Variants in CDC42BPA observed in about 807,000 individuals in gnomAD.
CDC42BPA encodes CDC42 binding protein kinase alpha.
A neutral mutation model predicts 223.5 loss-of-function variants in CDC42BPA; 80 were observed. The observed-to-expected ratio is 0.36, with a 90% CI of 0.30 to 0.43. The LOEUF (loss-of-function observed/expected upper bound fraction) is 0.43, where lower values mean the gene tolerates loss of function less well. Among genes scored for constraint, CDC42BPA ranks in the 20% least tolerant of loss-of-function variants. CDC42BPA has a pLI of 1.00. For synonymous variants in CDC42BPA, 694 were observed against 718.6 expected (o/e 0.97, Z 0.55); for missense variants, 1,743 against 2,099.9 (o/e 0.83, Z 3.32).
At chr1:227,144,165 C>T (rs920357672) in intron 8 of CDC42BPA, among the ~76,000 whole-genome samples, 1 of 151,608 alleles carries the variant, frequency 6.6e-6, no homozygotes, top group African/African-American at 2.4e-5. Context: ...TATGTACCCA[C>T]AAAAATTAAA....
chr1:227,101,922 C>T (rs2149318618), intron 14 of CDC42BPA, among the ~76,000 whole-genome samples: 1 of 152,200 alleles, frequency 6.6e-6, no homozygotes, highest in East Asian at 1.9e-4. Flanking sequence ...AAGATTCTTC[C>T]AGGTACTGCC....
At position 227,185,484 on chromosome 1, in the gene CDC42BPA, A is replaced by G. The variant is rs565571160; in HGVS notation, c.599+8302T>C. ...TGCCCCGCATTTGCATATTAAAAAG[A>G]GAGGGTGGGAGGGCCAGTTTTTTCG... On this transcript the variant is annotated intron_variant, in intron 5 of 36. Coordinates refer to ENST00000366766, the MANE Select transcript of CDC42BPA (RefSeq NM_001394014.1). 1.2e-4 allele frequency among the ~76,000 whole-genome samples: 18 copies of G among 152,256 alleles called. No homozygotes were observed. In the East Asian group the frequency reaches 3.5e-3, roughly 29 times the overall value.
intron 1 of CDC42BPA, among the ~76,000 whole-genome samples, chr1:227,281,329 A>C (rs1362599794): frequency 6.6e-6 from 1 of 150,478 alleles, no homozygotes; most frequent in Non-Finnish European, 1.5e-5. Flanking sequence ...TTTTTCCCCC[A>C]CTCTCACCCC....
At chr1:227,288,409 A>G (rs1363918461) in intron 1 of CDC42BPA, among the ~76,000 whole-genome samples, 1 of 152,014 alleles carries the variant, frequency 6.6e-6, no homozygotes, top group African/African-American at 2.4e-5. Context: ...TAAAATTAAA[A>G]TGATATCGGC....
intron 9 of CDC42BPA, among the ~76,000 whole-genome samples, chr1:227,142,144 T>C (rs1195373120): frequency 6.6e-6 from 1 of 152,080 alleles, no homozygotes; most frequent in African/African-American, 2.4e-5. Flanking sequence ...ACTGTACAGG[T>C]AGAGAATAAA....
intron 6 of CDC42BPA, among the ~76,000 whole-genome samples, chr1:227,154,488 A>C (rs1369111940): frequency 6.6e-6 from 1 of 152,010 alleles, no homozygotes. Flanking sequence ...AAGAATCTAT[A>C]AACTATTTTA....
chr1:227,205,923 C>G (rs1233584617), intron 3 of CDC42BPA, among the ~76,000 whole-genome samples: 1 of 152,080 alleles, frequency 6.6e-6, no homozygotes, highest in East Asian at 1.9e-4. Flanking sequence ...GTGGCATGTG[C>G]CTGTAGTCCC....
At chr1:227,108,610 C>G (rs1686343539) in intron 14 of CDC42BPA, among the ~76,000 whole-genome samples, 1 of 152,122 alleles carries the variant, frequency 6.6e-6, no homozygotes, top group Non-Finnish European at 1.5e-5. Context: ...ATGGTTGTCT[C>G]TCAGTATCCA....
At chr1:227,217,155 C>T (rs1298444933) in intron 2 of CDC42BPA, among the ~76,000 whole-genome samples, 1 of 152,056 alleles carries the variant, frequency 6.6e-6, no homozygotes, top group Non-Finnish European at 1.5e-5. Context: ...TCTGTTCCAA[C>T]CCATTCCAAG....
At chr1:227,131,715 A>C (rs996999039) in intron 10 of CDC42BPA, among the ~76,000 whole-genome samples, 1 of 152,214 alleles carries the variant, frequency 6.6e-6, no homozygotes, top group Non-Finnish European at 1.5e-5. Context: ...ATATTGTGGA[A>C]TCATGTAAGG....
In CDC42BPA at chr1:227,044,816, C is replaced by T. The variant is rs527774923; in HGVS notation, c.3093+3111G>A. On this transcript the variant is annotated intron_variant, in intron 23 of 36. Transcript: ENST00000366766. ...AATCATTATTCACTAATAAGAAGTA[C>T]ACTATGGTTATCATCTTACTTGTAT... Among the ~76,000 whole-genome samples, 21 of 152,156 alleles carry T rather than the reference C, an allele frequency of 1.4e-4. No homozygotes were observed. The South Asian group carries it at 4.1e-3, about 30-fold the overall frequency.
chr1:226,994,875 G>A lies in CDC42BPA; in HGVS notation c.5081C>T (p.Ser1694Phe). 1 of 1,613,936 alleles carries A rather than the reference G, an allele frequency of 6.2e-7. No homozygotes were observed. Among genetic ancestry groups the A allele is most frequent in the Non-Finnish European group, 8.5e-7 (1 of 1,179,856 alleles). ...MPSPSEGSLS[S>F]GGMDQGSDAP... ...ATCACTTCCTTGGTCCATGCCTCCA[G>A]AGGACAAAGAGCCCTCTGACGGGGA... Residue 1694 changes from serine (S) to phenylalanine (F), a missense_variant, in exon 36 of 37, where the codon TCT (serine) becomes TTT (phenylalanine). Physicochemically the swap from Ser to Phe is radical, Grantham distance 155. Coordinates refer to ENST00000366766, the MANE Select transcript of CDC42BPA (RefSeq NM_001394014.1). The surrounding 1 kb of genome is among the most constrained non-coding windows in gnomAD (Gnocchi z 4.0).
chr1:227,203,727 T>C (rs1672197734), intron 3 of CDC42BPA, among the ~76,000 whole-genome samples: 1 of 152,186 alleles, frequency 6.6e-6, no homozygotes, highest in Non-Finnish European at 1.5e-5. Context: ...CTTGCCACAG[T>C]GATGTTTTCA....
At chr1:227,106,548 G>A (rs1685966888) in intron 14 of CDC42BPA, among the ~76,000 whole-genome samples, 1 of 152,056 alleles carries the variant, frequency 6.6e-6, no homozygotes, top group African/African-American at 2.4e-5. Context: ...GGTATTCAGG[G>A]TAATGCCAGC....
Position 227,009,112 on chromosome 1 carries a change from A to G in CDC42BPA, c.4858-4001T>C, listed in dbSNP as rs752448482. ...AAAACAAACCTATCCTAGAATAAAT[A>G]GCAAAAATTAAGGCTACAAACTGTA... is the stretch of plus-strand genomic sequence containing the variant. On this transcript the variant is annotated intron_variant, in intron 34 of 36. Transcript: ENST00000366766. Among the ~76,000 whole-genome samples, 56 of 152,250 alleles carry G rather than the reference A, an allele frequency of 3.7e-4. 1 individual carries two copies. The highest frequency in any genetic ancestry group is 1.2e-4 in the Non-Finnish European group (8 of 68,038).
At chr1:227,103,702 C>T (rs868245746) in intron 14 of CDC42BPA, among the ~76,000 whole-genome samples, 2 of 152,054 alleles carry the variant, frequency 1.3e-5, no homozygotes, top group Admixed American at 6.5e-5. Flanking sequence ...TATGAGACAT[C>T]TTCAGTCATT....
chr1:227,185,822 T>C lies in CDC42BPA; in HGVS notation c.599+7964A>G, dbSNP rs547800870. Among the ~76,000 whole-genome samples the C allele has an allele frequency of 6.5e-4, 97 of 150,354 alleles. 1 individual carries two copies. Among genetic ancestry groups the C allele is most frequent in the African/African-American group, 2.2e-3 (92 of 41,058 alleles). Reference sequence around the variant, plus strand: ...TCCACTCATCAGAGCCGTATCACAATGATAAAACATGTTGTTTTGAAATCT... The same window carrying C: ...TCCACTCATCAGAGCCGTATCACAACGATAAAACATGTTGTTTTGAAATCT... On this transcript the variant is annotated intron_variant, in intron 5 of 36. Transcript: ENST00000366766.
chr1:227,258,032 A>G (rs2813965), intron 1 of CDC42BPA, among the ~76,000 whole-genome samples: 92,572 of 149,970 alleles, frequency 0.62, 29,481 homozygotes, highest in East Asian at 0.75. Flanking sequence ...AAAATCGGCC[A>G]GACACGGTGG....
intron 21 of CDC42BPA, among the ~76,000 whole-genome samples, chr1:227,057,366 T>TTATC (rs33918310): frequency 9.6e-5 from 2 of 20,876 alleles, no homozygotes; most frequent in Non-Finnish European, 2.1e-4. Flanking sequence ...CATTTCATAG[T>TTATC]TAATTTTAAA....
Sources: allele counts gnomAD v4.1 joint callset (sites outside exome capture counted in the v4.1 genomes callset), GRCh38; gene constraint gnomAD v4.1.1; non-coding constraint Gnocchi (gnomAD v3.1); transcripts MANE v1.5; gene names NCBI Gene and HGNC (gene_info 2026-07-23, HGNC 2026-07-21).